Variants in UPF2 observed in about 807,000 individuals in gnomAD.
UPF2 encodes UPF2 regulator of nonsense mediated mRNA decay.
A neutral mutation model predicts 141.4 loss-of-function variants in UPF2; 17 were observed. The observed-to-expected ratio is 0.12, with a 90% CI of 0.08 to 0.18. The LOEUF is 0.18. Ranked by LOEUF, UPF2 falls within the 10% of genes least tolerant of loss-of-function variation. UPF2 has a pLI of 1.00. For synonymous variants in UPF2, 540 were observed against 498.0 expected (o/e 1.08, Z -1.12); for missense variants, 1,152 against 1,515.9 (o/e 0.76, Z 3.99).
rs774324717 is a variant in UPF2 at position 11,921,349 on chromosome 10, C to A, written c.3810-42G>T. 20 of 1,613,694 alleles carry A rather than the reference C, an allele frequency of 1.2e-5. No individual in the cohort carries two copies. Among genetic ancestry groups the A allele is most frequent in the Non-Finnish European group, 1.5e-5 (18 of 1,179,862 alleles). On this transcript the variant is annotated intron_variant, in intron 21 of 21. Transcript: ENST00000357604. The surrounding 1 kb of genome is among the most constrained non-coding windows in gnomAD (Gnocchi z 5.9). ...GGTCACATCAGAGAGCTTACTGCCACAGGACAAAGTCCAGCAAGATGGCGT... is the reference window on the plus strand; with the variant it reads ...GGTCACATCAGAGAGCTTACTGCCAAAGGACAAAGTCCAGCAAGATGGCGT...
intron 18 of UPF2, among the ~76,000 whole-genome samples, chr10:11,942,147 G>A (rs886265009): frequency 2.6e-5 from 4 of 152,188 alleles, no homozygotes; most frequent in East Asian, 3.8e-4. Flanking sequence ...GCCGTAGCAG[G>A]AGGATCACCT....
At chr10:11,995,899 C>G (rs569014980) in intron 8 of UPF2, among the ~76,000 whole-genome samples, 2 of 152,180 alleles carry the variant, frequency 1.3e-5, no homozygotes, top group Admixed American at 6.5e-5. Flanking sequence ...CCCCACCCAT[C>G]CCTTAACTAG....
At chr10:12,041,899 T>A (rs4750157) in intron 1 of UPF2, among the ~76,000 whole-genome samples, 126,764 of 152,044 alleles carry the variant, frequency 0.83, 53,122 homozygotes, top group Non-Finnish European at 0.88. Flanking sequence ...TCCTCTAAGA[T>A]GAGCAAGAGA....
At chr10:12,040,766 T>C (rs1834722734) in intron 1 of UPF2, among the ~76,000 whole-genome samples, 1 of 152,334 alleles carries the variant, frequency 6.6e-6, no homozygotes, top group Admixed American at 6.5e-5. Flanking sequence ...CACTTATTTA[T>C]CAATAAGATG....
In UPF2 at chr10:11,996,310, C is replaced by A. The variant is rs117960929; in HGVS notation, c.1844+1362G>T. On this transcript the variant is annotated intron_variant, in intron 8 of 21. Transcript: ENST00000357604. ...ATTTCTCATGGCTCTAGAATACTTG[C>A]ATCTTTTTTTAATACTTATGATAAA... is the stretch of plus-strand genomic sequence containing the variant. Among the ~76,000 whole-genome samples, 56 of 151,620 alleles carry A rather than the reference C, an allele frequency of 3.7e-4. No homozygotes were observed. In the East Asian group the frequency reaches 9.9e-3, roughly 27 times the overall value.
chr10:11,963,950 C>A, intron 11 of UPF2, 59 bp downstream of exon 11: 1 of 1,252,260 alleles, frequency 8.0e-7, no homozygotes, highest in Non-Finnish European at 1.1e-6. Flanking sequence ...TATTTTCAAC[C>A]TCTGAAGCAC....
chr10:11,972,133 T>C (rs886349458), intron 9 of UPF2, among the ~76,000 whole-genome samples: 1 of 150,904 alleles, frequency 6.6e-6, no homozygotes, highest in Non-Finnish European at 1.5e-5. Flanking sequence ...ACTGTAAGGA[T>C]TTCCTAAGGC....
intron 8 of UPF2, among the ~76,000 whole-genome samples, chr10:11,996,177 T>A (rs902517213): frequency 6.6e-6 from 1 of 152,210 alleles, no homozygotes; most frequent in Non-Finnish European, 1.5e-5. Flanking sequence ...AATTATTTAA[T>A]GAATGAGTAC....
intron 18 of UPF2, among the ~76,000 whole-genome samples, chr10:11,938,847 T>G (rs886519402): frequency 4.6e-4 from 55 of 119,546 alleles, no homozygotes; most frequent in African/African-American, 2.0e-3. Flanking sequence ...AGCAAGTTTT[T>G]TTTTTGTTTT....
chr10:11,993,555 T>A (rs1833817278), intron 8 of UPF2, among the ~76,000 whole-genome samples: 2 of 151,146 alleles, frequency 1.3e-5, no homozygotes, highest in Non-Finnish European at 1.5e-5. Context: ...TATTCTCTAA[T>A]CAAAATGCAA....
intron 7 of UPF2, among the ~76,000 whole-genome samples, 199 bp downstream of exon 7, chr10:11,999,707 C>T (rs1181658134): frequency 2.0e-5 from 3 of 152,162 alleles, no homozygotes; most frequent in Admixed American, 2.0e-4. Flanking sequence ...CAGGATGCTA[C>T]AGCCAATTCT....
At chr10:11,985,376 G>A (rs1450886569) in intron 8 of UPF2, among the ~76,000 whole-genome samples, 2 of 152,084 alleles carry the variant, frequency 1.3e-5, no homozygotes, top group African/African-American at 2.4e-5. Flanking sequence ...AGTGGCTCAC[G>A]CCTGTAATCC....
intron 16 of UPF2, among the ~76,000 whole-genome samples, chr10:11,944,948 G>C (rs889731644): frequency 2.0e-5 from 3 of 152,124 alleles, no homozygotes; most frequent in African/African-American, 7.2e-5. Context: ...TATGATCTTG[G>C]GCAAATTATT....
rs1242033919 is a variant in UPF2 at position 11,959,004 on chromosome 10, TC to T, written c.2370+166del. Among the ~76,000 whole-genome samples, 2 of 152,172 alleles carry T rather than the reference TC, an allele frequency of 1.3e-5. No homozygotes were observed. Among genetic ancestry groups the T allele is most frequent in the Non-Finnish European group, 2.9e-5 (2 of 68,020 alleles). ...TCATAAAAGGAAAACAAAACCTATG[TC>T]CCAAATATTATATATCATCATAAGA... On this transcript the variant is annotated intron_variant, in intron 12 of 21. Coordinates refer to ENST00000357604, the MANE Select transcript of UPF2 (RefSeq NM_015542.4). The surrounding 1 kb of genome is among the most constrained non-coding windows in gnomAD (Gnocchi z 5.9).
rs768964435 is a variant in UPF2 at position 11,936,855 on chromosome 10, A to G, written c.3379-143T>C. 12 of 764,540 alleles carry G rather than the reference A, an allele frequency of 1.6e-5. No individual in the cohort carries two copies. The highest frequency in any genetic ancestry group is 2.3e-5 in the Non-Finnish European group (12 of 513,330). The allele number at this position is 764,540 out of a possible 1,614,324, so 47.4% of individuals were successfully genotyped here. ...ATAACAGTCAACAATTACAACCACCATAATACTCTTTCTGAAACGTGGATA... is the reference window on the plus strand; with the variant it reads ...ATAACAGTCAACAATTACAACCACCGTAATACTCTTTCTGAAACGTGGATA... On this transcript the variant is annotated intron_variant, in intron 18 of 21. Coordinates refer to ENST00000357604, the MANE Select transcript of UPF2 (RefSeq NM_015542.4). This position sits in a 1 kb window ranked among gnomAD's most constrained non-coding sequence, Gnocchi z 6.6.
intron 16 of UPF2, among the ~76,000 whole-genome samples, chr10:11,945,339 G>T (rs180718114): frequency 6.6e-6 from 1 of 152,316 alleles, no homozygotes; most frequent in East Asian, 1.9e-4. Context: ...TAACCCTTCT[G>T]TCTCAAAGTA....
chr10:12,028,656 A>C (rs1834462064), intron 3 of UPF2, 89 bp downstream of exon 3: 10 of 1,372,840 alleles, frequency 7.3e-6, no homozygotes, highest in Non-Finnish European at 9.8e-6. Context: ...CCTTTTCCAT[A>C]AGTTCTTTCA....
At position 11,920,861 on chromosome 10, in the gene UPF2, C is replaced by T; in HGVS notation, c.*437G>A. The T allele has an allele frequency of 5.4e-6, 2 of 372,956 alleles. No homozygotes were observed. The highest frequency in any genetic ancestry group is 4.0e-5 in the South Asian group (2 of 49,790). The allele number at this position is 372,956 out of a possible 1,614,324, so 23.1% of individuals were successfully genotyped here. On this transcript the variant is annotated 3_prime_UTR_variant, in exon 22 of 22. Coordinates refer to ENST00000357604, the MANE Select transcript of UPF2 (RefSeq NM_015542.4). Reference sequence around the variant, plus strand: ...CTGGAGCCCCCAAATGTATCTTCTTCCAACGTGGGATGTTCAATTCAGAGA... The same window carrying T: ...CTGGAGCCCCCAAATGTATCTTCTTTCAACGTGGGATGTTCAATTCAGAGA...
At chr10:11,934,407 G>A (rs77941703) in intron 19 of UPF2, among the ~76,000 whole-genome samples, 9,080 of 152,270 alleles carry the variant, frequency 0.06, 418 homozygotes, top group South Asian at 0.21. Flanking sequence ...TCGAAGGAGG[G>A]GAGGGGTGTG....
Sources: allele counts gnomAD v4.1 joint callset (sites outside exome capture counted in the v4.1 genomes callset), GRCh38; gene constraint gnomAD v4.1.1; non-coding constraint Gnocchi (gnomAD v3.1); transcripts MANE v1.5; gene names NCBI Gene and HGNC (gene_info 2026-07-23, HGNC 2026-07-21).